Variants in HTR2C observed in about 807,000 individuals in gnomAD.
HTR2C encodes 5-hydroxytryptamine (serotonin) receptor 2C, G protein-coupled.
Under a neutral mutation model 21.0 loss-of-function variants are expected in HTR2C, and 5 were observed. The ratio of observed to expected loss-of-function variants is 0.24; its 90% CI spans 0.12 to 0.50. The LOEUF is 0.50. Among genes scored for constraint, HTR2C ranks in the 20% least tolerant of loss-of-function variants. The pLI is 0.98. For missense variants in HTR2C, 271 were observed against 371.2 expected (o/e 0.73, Z 2.22); for synonymous variants, 150 against 145.3 (o/e 1.03, Z -0.23).
At chrX:114,837,759 C>G (rs1320743635) in intron 4 of HTR2C, among the ~76,000 whole-genome samples, 1 of 109,965 alleles carries the variant, frequency 9.1e-6, no homozygotes, top group African/African-American at 3.3e-5. Context: ...CAAAGTTATA[C>G]AAGTTAGTTT....
intron 4 of HTR2C, among the ~76,000 whole-genome samples, chrX:114,838,448 G>C (rs892989363): frequency 1.1e-4 from 12 of 111,701 alleles, no homozygotes; most frequent in African/African-American, 3.9e-4. Flanking sequence ...TTTTCTCAAA[G>C]GCAAAAATTG....
rs1233675887 is a variant in HTR2C at position 114,772,473 on chromosome X, G to A, written c.349+40866G>A. 2.6e-4 allele frequency among the ~76,000 whole-genome samples: 18 copies of A among 68,631 alleles called. No individual in the cohort carries two copies. The Admixed American group carries it at 3.1e-3, about 12-fold the overall frequency. The allele number at this position is 68,631 out of a possible 115,157, so 59.6% of individuals were successfully genotyped here. A position where few individuals can be genotyped will look rare whatever the true frequency, so the allele number is the denominator to read the frequency against. On this transcript the variant is annotated intron_variant, in intron 4 of 5. Transcript: ENST00000276198. ...TAGATTTTTGTGTATGTGTGGTGGC[G>A]GGGCGGGGCGTGGTGGGGGGGCCTT...
chrX:114,712,443 C>A (rs1159884256), intron 2 of HTR2C, among the ~76,000 whole-genome samples: 1 of 111,327 alleles, frequency 9.0e-6, no homozygotes, highest in Non-Finnish European at 1.9e-5. Context: ...AAAATTATAC[C>A]CAGTCATGAA....
chrX:114,713,360 A>G (rs1932921575), intron 2 of HTR2C, among the ~76,000 whole-genome samples: 1 of 111,803 alleles, frequency 8.9e-6, no homozygotes. Context: ...ACCCCAGTCC[A>G]TATTCAAATT....
At position 114,772,281 on chromosome X, in the gene HTR2C, G is replaced by A. The variant is rs1341191223; in HGVS notation, c.349+40674G>A. 2.7e-5 allele frequency among the ~76,000 whole-genome samples: 3 copies of A among 111,657 alleles called. No individual in the cohort carries two copies. In the Admixed American group the frequency reaches 2.9e-4, roughly 11 times the overall value. On this transcript the variant is annotated intron_variant, in intron 4 of 5. Coordinates refer to ENST00000276198, the MANE Select transcript of HTR2C (RefSeq NM_000868.4). ...TTATAATGACATTTTAAACATAATA[G>A]CATAAAATGATTTTACTGCATAAAG...
At chrX:114,591,522 T>A (rs5946142) in intron 1 of HTR2C, among the ~76,000 whole-genome samples, 9 of 111,635 alleles carry the variant, frequency 8.1e-5, no homozygotes, top group Non-Finnish European at 1.1e-4. Context: ...GATTCTTTAG[T>A]TTGGAGGATT....
chrX:114,866,081 T>C (rs1157753519), intron 5 of HTR2C, among the ~76,000 whole-genome samples: 3 of 111,688 alleles, frequency 2.7e-5, no homozygotes, highest in Non-Finnish European at 5.6e-5. Flanking sequence ...CCTCCCAAAG[T>C]GCTGGGATTA....
intron 2 of HTR2C, among the ~76,000 whole-genome samples, chrX:114,676,233 T>C (rs781879498): frequency 1.8e-5 from 2 of 111,795 alleles, no homozygotes; most frequent in South Asian, 3.7e-4. Flanking sequence ...GAAAATCATC[T>C]GCCTGCAATC....
intron 4 of HTR2C, among the ~76,000 whole-genome samples, chrX:114,824,063 A>C (rs939293789): frequency 2.7e-5 from 3 of 112,399 alleles, no homozygotes; most frequent in Non-Finnish European, 5.6e-5. Flanking sequence ...GGAGTATTCC[A>C]GAGAAGAACT....
intron 5 of HTR2C, among the ~76,000 whole-genome samples, chrX:114,849,186 C>T (rs143801949): frequency 3.5e-4 from 39 of 112,176 alleles, no homozygotes; most frequent in East Asian, 2.8e-3. Context: ...AATGAATTTA[C>T]GTAAGTTTGA....
intron 5 of HTR2C, among the ~76,000 whole-genome samples, chrX:114,878,814 G>A (rs182755694): frequency 1.8e-5 from 2 of 109,846 alleles, no homozygotes; most frequent in African/African-American, 6.6e-5. Flanking sequence ...ATTAATTTCC[G>A]ACATAATTCC....
chrX:114,690,965 T>C (rs1932089447), intron 2 of HTR2C, among the ~76,000 whole-genome samples: 1 of 111,177 alleles, frequency 9.0e-6, no homozygotes, highest in Non-Finnish European at 1.9e-5. Context: ...ATATCAATAC[T>C]TTTACTTTAG....
chrX:114,823,064 G>T (rs367626902), intron 4 of HTR2C, among the ~76,000 whole-genome samples: 1 of 111,427 alleles, frequency 9.0e-6, no homozygotes, highest in African/African-American at 3.3e-5. Flanking sequence ...TCCAGCCATA[G>T]AATTCCTCTA....
chrX:114,659,165 C>T (rs373703562), intron 2 of HTR2C, among the ~76,000 whole-genome samples: 10 of 111,185 alleles, frequency 9.0e-5, no homozygotes, highest in Admixed American at 4.8e-4. Context: ...CTCACTATCA[C>T]GAGAACAGCA....
intron 4 of HTR2C, among the ~76,000 whole-genome samples, chrX:114,808,448 G>A (rs12558620): frequency 9.0e-6 from 1 of 111,512 alleles, no homozygotes; most frequent in East Asian, 2.8e-4. Flanking sequence ...ATATCTCTTC[G>A]ATATACTGAT....
chrX:114,703,580 T>C (rs1932638763), intron 2 of HTR2C, among the ~76,000 whole-genome samples: 2 of 111,910 alleles, frequency 1.8e-5, no homozygotes, highest in South Asian at 3.7e-4. Flanking sequence ...AGGAAATTTA[T>C]AGCACTAAAT....
At chrX:114,733,714 C>A (rs1190067943) in intron 4 of HTR2C, among the ~76,000 whole-genome samples, 2 of 110,200 alleles carry the variant, frequency 1.8e-5, no homozygotes, top group African/African-American at 6.6e-5. Flanking sequence ...CTGTCTCCCA[C>A]TGTCCCCCAA....
chrX:114,884,852 C>G (rs2071208786), intron 5 of HTR2C, among the ~76,000 whole-genome samples: 1 of 111,789 alleles, frequency 8.9e-6, no homozygotes, highest in African/African-American at 3.2e-5. Flanking sequence ...TTTCTCAGAT[C>G]TCATTCTATT....
At chrX:114,651,441 C>G (rs1404980588) in intron 2 of HTR2C, 4 of 123,773 alleles carry the variant, frequency 3.2e-5, no homozygotes, top group African/African-American at 1.3e-4. Context: ...AATCTTTTGG[C>G]TAAGTTTTTG....
Sources: gnomAD v4.1 joint callset for allele counts (sites outside exome capture counted in the v4.1 genomes callset) on GRCh38, gnomAD v4.1.1 for gene constraint, MANE v1.5 for transcripts, NCBI Gene and HGNC (gene_info 2026-07-23, HGNC 2026-07-21) for gene names.